The following MTUS2 variants were observed in gnomAD, a reference collection of about 807,000 sequenced individuals.
MTUS2 encodes the protein microtubule-associated tumor suppressor candidate 2.
Under a neutral mutation model 114.1 loss-of-function variants are expected in MTUS2, and 40 were observed. That is an observed-to-expected ratio of 0.35 (90% confidence interval 0.27 to 0.46). The LOEUF (loss-of-function observed/expected upper bound fraction) is 0.46. MTUS2 is among the 20% of genes least tolerant of loss of function. MTUS2 has a pLI of 1.00. For synonymous variants in MTUS2, 688 were observed against 672.0 expected (o/e 1.02, Z -0.37); for missense variants, 1,679 against 1,705.4 (o/e 0.98, Z 0.27).
chr13:29,400,014 CAGAT>C (rs1355597450), intron 8 of MTUS2, among the ~76,000 whole-genome samples: 2 of 152,158 alleles, frequency 1.3e-5, no homozygotes, highest in Non-Finnish European at 2.9e-5. Flanking sequence ...AAAGGAGAAG[CAGAT>C]AGGCTGAGAA....
At chr13:29,371,908 A>G (rs533095634) in intron 8 of MTUS2, among the ~76,000 whole-genome samples, 65 of 150,386 alleles carry the variant, frequency 4.3e-4, no homozygotes, top group African/African-American at 1.4e-3. Context: ...TGGTGATTAC[A>G]GTTAATAATT....
At chr13:28,835,487 A>G (rs1208759557) in intron 1 of MTUS2, among the ~76,000 whole-genome samples, 1 of 152,196 alleles carries the variant, frequency 6.6e-6, no homozygotes, top group Admixed American at 6.5e-5. Flanking sequence ...ACTGGTTGTC[A>G]GGGACTGGGC....
chr13:29,489,439 T>C (rs1411988507), intron 11 of MTUS2, among the ~76,000 whole-genome samples: 2 of 152,172 alleles, frequency 1.3e-5, no homozygotes, highest in African/African-American at 2.4e-5. Flanking sequence ...CCACCCCCAC[T>C]ACCTCTGGGA....
intron 5 of MTUS2, among the ~76,000 whole-genome samples, chr13:29,190,499 T>C (rs547776796): frequency 1.9e-4 from 29 of 152,332 alleles, no homozygotes; most frequent in African/African-American, 7.0e-4. Flanking sequence ...AGCCCCATGC[T>C]ATGGAGGTGG....
At chr13:29,459,973 C>A (rs1221109427) in intron 9 of MTUS2, among the ~76,000 whole-genome samples, 2 of 152,238 alleles carry the variant, frequency 1.3e-5, no homozygotes, top group Non-Finnish European at 2.9e-5. Flanking sequence ...ACCATCCCCT[C>A]TGTCACACCC....
At chr13:28,928,714 C>A (rs111577301) in intron 2 of MTUS2, among the ~76,000 whole-genome samples, 1,844 of 152,284 alleles carry the variant, frequency 0.012, 32 homozygotes, top group African/African-American at 0.041. Context: ...TATGATCCAG[C>A]AATTCCACTC....
chr13:29,178,400 C>T (rs1428908441), intron 5 of MTUS2, among the ~76,000 whole-genome samples: 1 of 151,962 alleles, frequency 6.6e-6, no homozygotes, highest in Non-Finnish European at 1.5e-5. Context: ...CTTTGAAAAT[C>T]CTCGGAGATA....
At chr13:28,879,733 A>G (rs754276558) in intron 2 of MTUS2, among the ~76,000 whole-genome samples, 4 of 152,156 alleles carry the variant, frequency 2.6e-5, no homozygotes, top group Non-Finnish European at 4.4e-5. Flanking sequence ...AGAGGTTGCA[A>G]ATTGATGGGA....
intron 4 of MTUS2, among the ~76,000 whole-genome samples, chr13:29,044,497 T>C (rs1435912588): frequency 6.6e-6 from 1 of 152,196 alleles, no homozygotes; most frequent in Non-Finnish European, 1.5e-5. Flanking sequence ...TAGGGTGTTT[T>C]GCCCATTGTT....
chr13:29,435,430 A>C (rs993072621), intron 8 of MTUS2, among the ~76,000 whole-genome samples: 1 of 152,156 alleles, frequency 6.6e-6, no homozygotes, highest in Admixed American at 6.5e-5. Flanking sequence ...ATCATATTTC[A>C]GTCAACCCAC....
At position 28,895,965 on chromosome 13, in the gene MTUS2, G is replaced by T. The variant is rs867308077; in HGVS notation, c.-243+56115G>T. Among the ~76,000 whole-genome samples, 13 of 152,214 alleles carry T rather than the reference G, an allele frequency of 8.5e-5. 1 individual carries two copies. The highest frequency in any genetic ancestry group is 3.4e-3 in the Middle Eastern group (1 of 294). Reference sequence around the variant, plus strand: ...TGTGGGAACATTTTTTTCTGCCCCTGATTAATTTTAAATCTATTTTAAATC... The same window carrying T: ...TGTGGGAACATTTTTTTCTGCCCCTTATTAATTTTAAATCTATTTTAAATC... On this transcript the variant is annotated intron_variant, in intron 2 of 15. Coordinates refer to ENST00000612955, the MANE Select transcript of MTUS2 (RefSeq NM_001033602.4).
chr13:28,881,187 T>A (rs1878267362), intron 2 of MTUS2, among the ~76,000 whole-genome samples: 1 of 152,224 alleles, frequency 6.6e-6, no homozygotes, highest in South Asian at 2.1e-4. Flanking sequence ...CCATGTGTAC[T>A]TACTGTTTAG....
chr13:29,077,609 T>C (rs1889252169), intron 4 of MTUS2, among the ~76,000 whole-genome samples: 1 of 152,198 alleles, frequency 6.6e-6, no homozygotes, highest in Admixed American at 6.5e-5. Flanking sequence ...TCTTAGGCTG[T>C]GGTTATCAGT....
chr13:28,961,836 C>T lies in MTUS2; in HGVS notation c.-242-62621C>T, dbSNP rs138574231. 1.7e-3 allele frequency among the ~76,000 whole-genome samples: 266 copies of T among 152,088 alleles called. 1 individual carries two copies. Among genetic ancestry groups the T allele is most frequent in the African/African-American group, 5.9e-3 (244 of 41,486 alleles). ...TGATTTTTCATGGTTGCATAACATTCCATACTCTGAGGGTAAAATGATTTA... is the reference window on the plus strand; with the variant it reads ...TGATTTTTCATGGTTGCATAACATTTCATACTCTGAGGGTAAAATGATTTA... On this transcript the variant is annotated intron_variant, in intron 2 of 15. Transcript: ENST00000612955.
chr13:28,868,215 A>T (rs1262180282), intron 2 of MTUS2, among the ~76,000 whole-genome samples: 3 of 152,180 alleles, frequency 2.0e-5, no homozygotes, highest in African/African-American at 7.2e-5. Context: ...TCACATCGTG[A>T]TATAGTAATT....
At chr13:29,270,687 G>A (rs961022573) in intron 5 of MTUS2, among the ~76,000 whole-genome samples, 1 of 152,258 alleles carries the variant, frequency 6.6e-6, no homozygotes, top group African/African-American at 2.4e-5. Context: ...CGCTCCCTGT[G>A]TATGGAAGCT....
intron 5 of MTUS2, among the ~76,000 whole-genome samples, chr13:29,146,427 C>T (rs1245383574): frequency 6.6e-6 from 1 of 152,176 alleles, no homozygotes; most frequent in Non-Finnish European, 1.5e-5. Context: ...GTTACACTCG[C>T]ATTTCTTAAT....
At chr13:29,332,987 G>A (rs1435684901) in intron 7 of MTUS2, among the ~76,000 whole-genome samples, 2 of 151,896 alleles carry the variant, frequency 1.3e-5, no homozygotes, top group African/African-American at 4.8e-5. Context: ...GATCTTTCCC[G>A]CTTTCTCCTG....
chr13:28,869,946 T>C (rs1877520381), intron 2 of MTUS2, among the ~76,000 whole-genome samples: 2 of 152,230 alleles, frequency 1.3e-5, no homozygotes, highest in South Asian at 4.1e-4. Context: ...CTTTTTTGAA[T>C]GTTATGTATA....
Sources: gnomAD v4.1 joint callset for allele counts (sites outside exome capture counted in the v4.1 genomes callset) on GRCh38, gnomAD v4.1.1 for gene constraint, MANE v1.5 for transcripts, NCBI Gene and HGNC (gene_info 2026-07-23, HGNC 2026-07-21) for gene names.